Variants in NAV1 observed in about 807,000 individuals in gnomAD.
NAV1 encodes the protein neuron navigator 1.
In NAV1, 18 loss-of-function variants were observed where a neutral mutation model predicts 175.2. That is an observed-to-expected ratio of 0.10 (90% CI 0.07 to 0.15). The LOEUF (loss-of-function observed/expected upper bound fraction) is 0.15. Among genes scored for constraint, NAV1 ranks in the 10% least tolerant of loss-of-function variants. The probability of loss-of-function intolerance (pLI) is 1.00; values close to 1 mark genes in which losing one functional copy is unlikely to be tolerated. For synonymous variants in NAV1, 897 were observed against 978.7 expected (o/e 0.92, Z 1.56); for missense variants, 1,731 against 2,436.6 (o/e 0.71, Z 6.10).
chr1:201,569,847 C>G (rs1460415999), intron 1 of NAV1, among the ~76,000 whole-genome samples: 2 of 152,162 alleles, frequency 1.3e-5, no homozygotes, highest in African/African-American at 4.8e-5. Context: ...GACAAAGGCT[C>G]TGGAAGCAGA....
intron 3 of NAV1, among the ~76,000 whole-genome samples, chr1:201,752,695 G>A (rs1414779642): frequency 1.3e-5 from 2 of 151,816 alleles, no homozygotes; most frequent in Non-Finnish European, 1.5e-5. Context: ...TGTCAGGTTT[G>A]TTGAGGAGAA....
At chr1:201,785,895 C>T (rs570042422) in intron 8 of NAV1, among the ~76,000 whole-genome samples, 7 of 145,140 alleles carry the variant, frequency 4.8e-5, no homozygotes, top group African/African-American at 1.0e-4. Flanking sequence ...CAGATTCAAG[C>T]GATTCTCCTG....
chr1:201,541,958 T>C (rs1473558094), intron 1 of NAV1, among the ~76,000 whole-genome samples: 1 of 152,192 alleles, frequency 6.6e-6, no homozygotes, highest in Non-Finnish European at 1.5e-5. Context: ...TCAGTGTCAC[T>C]TCCCTCTTCT....
intron 3 of NAV1, among the ~76,000 whole-genome samples, chr1:201,752,207 G>GTT (rs1674155939): frequency 6.8e-6 from 1 of 147,936 alleles, no homozygotes; most frequent in African/African-American, 2.5e-5. Flanking sequence ...GAAGGCAAGA[G>GTT]GTCTATAAAA....
chr1:201,707,742 A>G (rs1013544714), intron 1 of NAV1, among the ~76,000 whole-genome samples: 52 of 152,162 alleles, frequency 3.4e-4, no homozygotes, highest in African/African-American at 1.1e-3. Flanking sequence ...TTCCTCTAGC[A>G]ACGTTTTAGT....
At chr1:201,580,617 AC>A (rs1228695403) in intron 1 of NAV1, among the ~76,000 whole-genome samples, 1 of 152,180 alleles carries the variant, frequency 6.6e-6, no homozygotes, top group Non-Finnish European at 1.5e-5. Flanking sequence ...TGCTAAAAAT[AC>A]AAAAAATAGC....
At chr1:201,741,285 A>G (rs928490321) in intron 3 of NAV1, among the ~76,000 whole-genome samples, 14 of 152,292 alleles carry the variant, frequency 9.2e-5, no homozygotes, top group African/African-American at 1.4e-4. Context: ...GCTGACTCCA[A>G]ACTTTTTTCC....
At chr1:201,598,436 G>A (rs1447436865) in intron 2 of NAV1, among the ~76,000 whole-genome samples, 2 of 152,184 alleles carry the variant, frequency 1.3e-5, no homozygotes, top group African/African-American at 2.4e-5. Context: ...AATTCGATCA[G>A]GTCTTTTTGG....
chr1:201,557,420 C>T (rs1371436092), intron 1 of NAV1, among the ~76,000 whole-genome samples: 1 of 152,226 alleles, frequency 6.6e-6, no homozygotes, highest in Non-Finnish European at 1.5e-5. Context: ...GAATTAGGGG[C>T]CTGCCTTAGG....
chr1:201,738,391 G>T (rs1244196576), intron 3 of NAV1, among the ~76,000 whole-genome samples: 1 of 152,094 alleles, frequency 6.6e-6, no homozygotes, highest in Non-Finnish European at 1.5e-5. Context: ...AGGTCCCTCT[G>T]CTGAGGTTTT....
rs568789095 is a variant in NAV1, at chr1:201,624,786, C to T, written c.-101+1180C>T. Among the ~76,000 whole-genome samples, 3 of 152,190 alleles carry T rather than the reference C, an allele frequency of 2.0e-5. No homozygotes were observed. The South Asian group carries it at 6.2e-4, about 32-fold the overall frequency. ...GTATCTTCCTGACTAAACTAACTTC[C>T]TATATTTTTTCCCCTATGCTAATGG... On this transcript the variant is annotated intron_variant, in intron 1 of 29. Transcript: ENST00000367302.
At chr1:201,817,054 T>TC (rs1679085860) in intron 28 of NAV1, 34 bp from the exon 33 acceptor site, 1 of 1,601,462 alleles carries the variant, frequency 6.2e-7, no homozygotes, top group African/African-American at 1.3e-5. Flanking sequence ...ATCTGTTAAT[T>TC]CCCCACAGTA....
At chr1:201,590,764 CTT>C (rs911276995) in intron 2 of NAV1, among the ~76,000 whole-genome samples, 1 of 152,168 alleles carries the variant, frequency 6.6e-6, no homozygotes, top group African/African-American at 2.4e-5. Flanking sequence ...TCTGAGAACT[CTT>C]TTTGCCCCAT....
At chr1:201,676,013 C>A (rs1355583550) in intron 1 of NAV1, among the ~76,000 whole-genome samples, 1 of 152,250 alleles carries the variant, frequency 6.6e-6, no homozygotes, top group Non-Finnish European at 1.5e-5. Context: ...GTCTTGCCCC[C>A]TCTCTGCGTC....
At chr1:201,650,523 C>A (rs1021214220) in intron 1 of NAV1, among the ~76,000 whole-genome samples, 1 of 152,146 alleles carries the variant, frequency 6.6e-6, no homozygotes, top group Non-Finnish European at 1.5e-5. Flanking sequence ...GCAGGCTGCC[C>A]GCCCGCTGGG....
At chr1:201,650,242 C>T (rs572430392) in intron 1 of NAV1, among the ~76,000 whole-genome samples, 20 of 150,836 alleles carry the variant, frequency 1.3e-4, no homozygotes, top group African/African-American at 3.9e-4. Flanking sequence ...GTTCTCCGTG[C>T]CTGAAGAGTC....
intron 3 of NAV1, among the ~76,000 whole-genome samples, chr1:201,756,860 CTTTCTTTCTTTCTTTCTTTCT>C (rs1674531917): frequency 9.1e-6 from 1 of 110,046 alleles, no homozygotes; most frequent in Non-Finnish European, 2.0e-5. Context: ...TTCTTTCTTT[CTTTCTTTCTTTCTTTCTTTCT>C]TTCTCTGTCT....
intron 3 of NAV1, among the ~76,000 whole-genome samples, chr1:201,734,990 A>T (rs941389632): frequency 1.3e-5 from 2 of 152,180 alleles, no homozygotes; most frequent in African/African-American, 4.8e-5. Context: ...CTCGAAGGTT[A>T]TATAAATATT....
chr1:201,675,190 G>C (rs946313453), intron 1 of NAV1, among the ~76,000 whole-genome samples: 1 of 152,100 alleles, frequency 6.6e-6, no homozygotes, highest in Non-Finnish European at 1.5e-5. Context: ...ACTACACCAG[G>C]TACCAATCTG....
Sources: allele counts gnomAD v4.1 joint callset (sites outside exome capture counted in the v4.1 genomes callset), GRCh38; gene constraint gnomAD v4.1.1; transcripts MANE v1.5; gene names NCBI Gene and HGNC (gene_info 2026-07-23, HGNC 2026-07-21).